DLGAP1: variants seen among roughly 807,000 people sequenced by gnomAD.
DLGAP1 encodes DLG associated protein 1.
Under a neutral mutation model 90.8 loss-of-function variants are expected in DLGAP1, and 11 were observed. The ratio of observed to expected loss-of-function variants is 0.12; its 90% CI spans 0.08 to 0.20. The LOEUF is 0.20. Among genes scored for constraint, DLGAP1 ranks in the 10% least tolerant of loss-of-function variants. The pLI, the probability that DLGAP1 is intolerant of heterozygous loss-of-function variation, is 1.00. For synonymous variants in DLGAP1, 558 were observed against 540.7 expected (o/e 1.03, Z -0.44); for missense variants, 1,050 against 1,333.8 (o/e 0.79, Z 3.31).
At chr18:4,063,026 T>G (rs1285796896) in intron 2 of DLGAP1, among the ~76,000 whole-genome samples, 2 of 152,108 alleles carry the variant, frequency 1.3e-5, no homozygotes, top group African/African-American at 4.8e-5. Flanking sequence ...ATCATCCAGG[T>G]GTATTAATGC....
chr18:3,941,625 A>G (rs1599192823), intron 3 of DLGAP1, among the ~76,000 whole-genome samples: 1 of 152,252 alleles, frequency 6.6e-6, no homozygotes, highest in Non-Finnish European at 1.5e-5. Flanking sequence ...GATAACAGTC[A>G]TCACCTCATT....
At chr18:3,540,644 C>T (rs1369867398) in intron 9 of DLGAP1, among the ~76,000 whole-genome samples, 2 of 152,028 alleles carry the variant, frequency 1.3e-5, no homozygotes, top group African/African-American at 2.4e-5. Context: ...CATTTATATA[C>T]GGTTAGCACT....
At chr18:4,369,229 G>A (rs1001776989) in intron 1 of DLGAP1, among the ~76,000 whole-genome samples, 4 of 152,094 alleles carry the variant, frequency 2.6e-5, no homozygotes, top group Non-Finnish European at 5.9e-5. Flanking sequence ...ATATAAACCC[G>A]TGTGCACATA....
At chr18:3,673,549 A>C (rs1311552757) in intron 7 of DLGAP1, among the ~76,000 whole-genome samples, 1 of 152,132 alleles carries the variant, frequency 6.6e-6, no homozygotes, top group Non-Finnish European at 1.5e-5. Flanking sequence ...GAGGAGGATG[A>C]TTGCAACTCT....
At chr18:4,202,630 T>C (rs960122022) in intron 1 of DLGAP1, among the ~76,000 whole-genome samples, 5 of 152,308 alleles carry the variant, frequency 3.3e-5, no homozygotes, top group African/African-American at 1.2e-4. Context: ...AGTATGGATT[T>C]TGTACTTGAT....
chr18:3,638,560 C>A (rs986667301), intron 7 of DLGAP1, among the ~76,000 whole-genome samples: 1 of 152,182 alleles, frequency 6.6e-6, no homozygotes, highest in East Asian at 1.9e-4. Context: ...TTTTCTCCCC[C>A]CATCTTGTGA....
chr18:3,781,088 A>G (rs1398870758), intron 5 of DLGAP1, among the ~76,000 whole-genome samples: 2 of 152,080 alleles, frequency 1.3e-5, no homozygotes, highest in African/African-American at 2.4e-5. Flanking sequence ...TTGGCCTTTC[A>G]AAGTGCTGGG....
chr18:4,405,161 A>G (rs2082636797), intron 1 of DLGAP1, among the ~76,000 whole-genome samples: 1 of 152,204 alleles, frequency 6.6e-6, no homozygotes, highest in Non-Finnish European at 1.5e-5. Context: ...TCTTGCAATT[A>G]TAAACTATAA....
At chr18:3,726,398 C>G (rs961133724) in intron 7 of DLGAP1, among the ~76,000 whole-genome samples, 9 of 151,450 alleles carry the variant, frequency 5.9e-5, no homozygotes, top group African/African-American at 2.2e-4. Flanking sequence ...ATGAATATGA[C>G]AGTATTGAGA....
chr18:3,893,039 T>C (rs1322272735), intron 3 of DLGAP1, among the ~76,000 whole-genome samples: 1 of 151,892 alleles, frequency 6.6e-6, no homozygotes, highest in African/African-American at 2.4e-5. Context: ...TATTAAGTAA[T>C]TTCTCATCCC....
intron 1 of DLGAP1, among the ~76,000 whole-genome samples, chr18:4,164,454 G>A (rs529060921): frequency 6.6e-6 from 1 of 152,080 alleles, no homozygotes; most frequent in Non-Finnish European, 1.5e-5. Flanking sequence ...GCGAAGATGG[G>A]TGATCACCTG....
At chr18:4,324,554 G>A (rs889438400) in intron 1 of DLGAP1, among the ~76,000 whole-genome samples, 1 of 151,846 alleles carries the variant, frequency 6.6e-6, no homozygotes, top group African/African-American at 2.4e-5. Flanking sequence ...ACCTGGCAGA[G>A]ACACAACAAC....
chr18:3,840,387 CT>C (rs570479870), intron 4 of DLGAP1, among the ~76,000 whole-genome samples: 136 of 152,178 alleles, frequency 8.9e-4, no homozygotes, highest in Non-Finnish European at 4.9e-4. Context: ...ATTTCCCTGC[CT>C]TTTCCCCTTG....
intron 2 of DLGAP1, among the ~76,000 whole-genome samples, chr18:4,049,060 C>T (rs2075095289): frequency 6.6e-6 from 1 of 151,942 alleles, no homozygotes; most frequent in Non-Finnish European, 1.5e-5. Context: ...AACCCCATCT[C>T]TACTAAAAAC....
chr18:4,079,162 G>A (rs2143580504), intron 2 of DLGAP1, among the ~76,000 whole-genome samples: 1 of 152,124 alleles, frequency 6.6e-6, no homozygotes, highest in Middle Eastern at 3.4e-3. Flanking sequence ...GCCTCATTAG[G>A]CATATGCTGT....
At chr18:4,205,564 T>C (rs1484520533) in intron 1 of DLGAP1, among the ~76,000 whole-genome samples, 1 of 152,194 alleles carries the variant, frequency 6.6e-6, no homozygotes, top group Non-Finnish European at 1.5e-5. Flanking sequence ...GTGATCACAG[T>C]TCACAGTAAA....
chr18:4,404,552 G>A (rs2082622913), intron 1 of DLGAP1, among the ~76,000 whole-genome samples: 1 of 152,118 alleles, frequency 6.6e-6, no homozygotes, highest in Non-Finnish European at 1.5e-5. Context: ...ACATAAAGAT[G>A]AAAACTAATT....
intron 1 of DLGAP1, among the ~76,000 whole-genome samples, chr18:4,361,703 T>G (rs35872297): frequency 0.099 from 15,047 of 152,170 alleles, 1,064 homozygotes; most frequent in East Asian, 0.29. Context: ...ATTTTTTTGA[T>G]TAACACAAAA....
At chr18:4,293,787 C>G (rs2079907194) in intron 1 of DLGAP1, 1 of 152,118 alleles carries the variant, frequency 6.6e-6, no homozygotes, top group Non-Finnish European at 1.5e-5. Flanking sequence ...CTACCCTGTC[C>G]CTGTCCCCAT....
Sources: allele counts gnomAD v4.1 joint callset (sites outside exome capture counted in the v4.1 genomes callset), GRCh38; gene constraint gnomAD v4.1.1; transcripts MANE v1.5; gene names NCBI Gene and HGNC (gene_info 2026-07-23, HGNC 2026-07-21).